The following PTPRK variants were observed in gnomAD, a reference collection of about 807,000 sequenced individuals.
PTPRK encodes the protein protein tyrosine phosphatase receptor type K, also known as receptor-type tyrosine-protein phosphatase kappa.
A neutral mutation model predicts 178.0 loss-of-function variants in PTPRK; 75 were observed. That is an observed-to-expected ratio of 0.42 (90% CI 0.35 to 0.51). The LOEUF (loss-of-function observed/expected upper bound fraction) is 0.51. Among genes scored for constraint, PTPRK ranks in the 20% least tolerant of loss-of-function variants. The pLI is 0.02. For missense variants in PTPRK, 1,441 were observed against 1,797.8 expected, an observed-to-expected ratio of 0.80 and a Z score of 3.59; for synonymous variants, 637 against 620.6, an observed-to-expected ratio of 1.03 and a Z score of -0.39.
chr6:127,987,332 T>G (rs1414940797), intron 21 of PTPRK, among the ~76,000 whole-genome samples: 1 of 152,090 alleles, frequency 6.6e-6, no homozygotes, highest in African/African-American at 2.4e-5. Flanking sequence ...ACAGTGATAT[T>G]AATATCAAGT....
At chr6:128,467,328 C>T (rs1336767946) in intron 1 of PTPRK, among the ~76,000 whole-genome samples, 1 of 152,084 alleles carries the variant, frequency 6.6e-6, no homozygotes, top group Non-Finnish European at 1.5e-5. Flanking sequence ...TAATGTTACT[C>T]AGTTTGATGT....
chr6:128,473,404 A>ATTTTTTTT (rs67418131), intron 1 of PTPRK, among the ~76,000 whole-genome samples: 7 of 90,862 alleles, frequency 7.7e-5, no homozygotes, highest in Non-Finnish European at 1.3e-4. Flanking sequence ...TATGGTTACT[A>ATTTTTTTT]TTTTTTTTTT....
intron 2 of PTPRK, chr6:128,340,884 T>TCTTA: frequency 2.7e-6 from 1 of 371,632 alleles, no homozygotes; most frequent in Non-Finnish European, 5.1e-6. Flanking sequence ...TTTTAGCCAC[T>TCTTA]GATCCACGCT....
intron 2 of PTPRK, among the ~76,000 whole-genome samples, chr6:128,356,224 G>A (rs1432515050): frequency 1.3e-5 from 2 of 151,666 alleles, no homozygotes; most frequent in Non-Finnish European, 2.9e-5. Flanking sequence ...GACTAATCTG[G>A]CCCCTGCATA....
chr6:128,228,034 G>A (rs1296087993), intron 5 of PTPRK, among the ~76,000 whole-genome samples: 9 of 151,274 alleles, frequency 5.9e-5, no homozygotes, highest in African/African-American at 1.9e-4. Flanking sequence ...GGGTTGATGA[G>A]TGCAGCAAAC....
At chr6:128,014,190 T>C (rs747210874) in intron 13 of PTPRK, among the ~76,000 whole-genome samples, 1 of 151,620 alleles carries the variant, frequency 6.6e-6, no homozygotes, top group Non-Finnish European at 1.5e-5. Context: ...GTTGTGGACA[T>C]TAACATAAGA....
intron 2 of PTPRK, among the ~76,000 whole-genome samples, chr6:128,368,955 A>C (rs957885116): frequency 4.0e-5 from 6 of 151,898 alleles, no homozygotes; most frequent in South Asian, 4.2e-4. Flanking sequence ...ACAAACAAAA[A>C]AAAAAACACA....
intron 1 of PTPRK, among the ~76,000 whole-genome samples, chr6:128,404,826 C>G (rs1841465847): frequency 6.6e-6 from 1 of 152,198 alleles, no homozygotes; most frequent in Non-Finnish European, 1.5e-5. Flanking sequence ...CCAAGAGTCA[C>G]AGAGCAAGAA....
At chr6:128,188,597 A>T (rs773521682) in intron 6 of PTPRK, among the ~76,000 whole-genome samples, 1 of 152,184 alleles carries the variant, frequency 6.6e-6, no homozygotes, top group Non-Finnish European at 1.5e-5. Context: ...ATGATATTAC[A>T]TTATTCTCCT....
chr6:128,286,797 T>G (rs74496727), intron 3 of PTPRK, among the ~76,000 whole-genome samples: 1 of 152,336 alleles, frequency 6.6e-6, no homozygotes, highest in South Asian at 2.1e-4. Flanking sequence ...CAAAGATTAA[T>G]TTAAAGCTTT....
At chr6:128,185,081 C>A (rs111680493) in intron 6 of PTPRK, among the ~76,000 whole-genome samples, 5,615 of 152,210 alleles carry the variant, frequency 0.037, 135 homozygotes, top group Non-Finnish European at 0.053. Flanking sequence ...TTATTTCATT[C>A]ACAAACTATG....
At chr6:128,233,742 C>T (rs1012135724) in intron 5 of PTPRK, among the ~76,000 whole-genome samples, 1 of 152,180 alleles carries the variant, frequency 6.6e-6, no homozygotes, top group African/African-American at 2.4e-5. Flanking sequence ...GACAGATTGG[C>T]CCAATTGCCA....
chr6:128,053,019 G>GCCA (rs1417928662), intron 13 of PTPRK, among the ~76,000 whole-genome samples: 2 of 152,040 alleles, frequency 1.3e-5, no homozygotes, highest in Non-Finnish European at 1.5e-5. Flanking sequence ...CCTGGAATGA[G>GCCA]CCATTTATCC....
intron 14 of PTPRK, chr6:128,006,197 A>G (rs1321559685): frequency 1.7e-6 from 1 of 599,200 alleles, no homozygotes; most frequent in Admixed American, 4.0e-5. Context: ...TTTGCTTTGC[A>G]TTTCAATTTG....
chr6:128,380,608 C>T (rs1362961003), intron 2 of PTPRK, among the ~76,000 whole-genome samples: 1 of 151,502 alleles, frequency 6.6e-6, no homozygotes, highest in Non-Finnish European at 1.5e-5. Flanking sequence ...GGTTTATAAA[C>T]CCCGTAAACA....
At chr6:127,997,222 A>C (rs1777260454) in intron 16 of PTPRK, among the ~76,000 whole-genome samples, 1 of 152,140 alleles carries the variant, frequency 6.6e-6, no homozygotes, top group Admixed American at 6.6e-5. Context: ...AGAGAAAAAA[A>C]ATGGACCTTG....
chr6:128,200,498 G>A (rs1805707470), intron 6 of PTPRK, among the ~76,000 whole-genome samples: 1 of 151,952 alleles, frequency 6.6e-6, no homozygotes, highest in African/African-American at 2.4e-5. Context: ...TCTGAGGCAG[G>A]AGGATCACTT....
chr6:128,262,434 T>C (rs1818310655), intron 3 of PTPRK, among the ~76,000 whole-genome samples: 1 of 152,204 alleles, frequency 6.6e-6, no homozygotes, highest in Admixed American at 6.5e-5. Flanking sequence ...CCTTTTTGTT[T>C]TCTAGAAATG....
chr6:128,199,116 G>C (rs1316421971), intron 6 of PTPRK, among the ~76,000 whole-genome samples: 1 of 152,046 alleles, frequency 6.6e-6, no homozygotes, highest in South Asian at 2.1e-4. Context: ...CCGCTTTCAG[G>C]TACGTGCTAC....
Sources: gnomAD v4.1 joint callset for allele counts (sites outside exome capture counted in the v4.1 genomes callset) on GRCh38, gnomAD v4.1.1 for gene constraint, MANE v1.5 for transcripts, NCBI Gene and HGNC (gene_info 2026-07-23, HGNC 2026-07-21) for gene names.